Variants in CACNB2 observed in about 807,000 individuals in gnomAD.
CACNB2 encodes the protein calcium voltage-gated channel auxiliary subunit beta 2.
CACNB2 carries 42 observed loss-of-function variants against 73.3 expected under a neutral mutation model. The observed-to-expected ratio is 0.57, with a 90% CI of 0.45 to 0.74. The LOEUF is 0.74. Ranked by LOEUF, CACNB2 falls within the 30% of genes least tolerant of loss-of-function variation. CACNB2 has a pLI of 0.00. For missense variants in CACNB2, 940 were observed against 853.0 expected, an observed-to-expected ratio of 1.10 and a Z score of -1.27; for synonymous variants, 348 against 310.3, an observed-to-expected ratio of 1.12 and a Z score of -1.28.
chr10:18,401,233 G>T (rs1329175813), intron 2 of CACNB2: 6 of 1,073,508 alleles, frequency 5.6e-6, no homozygotes, highest in Non-Finnish European at 8.3e-6. Flanking sequence ...GGAAGCTAGG[G>T]AGATTCCTCT....
rs183001823 is a variant in CACNB2, at chr10:18,431,056, C to T, written c.333+29013C>T. On this transcript the variant is annotated intron_variant, in intron 3 of 13. Transcript: ENST00000324631. ...GCAGTGGCATGATCATATAGTAGCT[C>T]ACTGTAATCTCAGCCTCCTGGGTTC... Among the ~76,000 whole-genome samples the T allele has an allele frequency of 2.4e-3, 368 of 152,298 alleles. 3 individuals are homozygous for T. Among genetic ancestry groups the T allele is most frequent in the South Asian group, 0.014 (68 of 4,826 alleles).
chr10:18,440,998 C>G (rs2046383581), intron 3 of CACNB2, among the ~76,000 whole-genome samples: 1 of 152,208 alleles, frequency 6.6e-6, no homozygotes, highest in Non-Finnish European at 1.5e-5. Flanking sequence ...AAGAAAAACA[C>G]TGATTGCTTT....
intron 2 of CACNB2, among the ~76,000 whole-genome samples, chr10:18,153,916 C>G (rs762368959): frequency 2.0e-5 from 3 of 149,050 alleles, no homozygotes; most frequent in Non-Finnish European, 4.4e-5. Flanking sequence ...GAAAAAATAC[C>G]TTTACATGTT....
Position 18,534,167 on chromosome 10 carries a change from T to C in CACNB2, c.1146T>C (p.Ala382=). 1 of 1,613,840 alleles carries C rather than the reference T, an allele frequency of 6.2e-7. No homozygotes were observed. The highest frequency in any genetic ancestry group is 1.1e-5 in the South Asian group (1 of 91,074). ...ACGCGGATACAATTAATCATCCAGCTCAACTCAGTAAAACCTCCTTGGCCC... is the reference window on the plus strand; with the variant it reads ...ACGCGGATACAATTAATCATCCAGCCCAACTCAGTAAAACCTCCTTGGCCC... ...VLDADTINHP[A]QLSKTSLAPI... The change falls in exon 11 of 14, where the codon GCT becomes GCC. Residue 382 remains alanine (A), a synonymous_variant. Coordinates refer to ENST00000324631, the MANE Select transcript of CACNB2 (RefSeq NM_201596.3).
chr10:18,445,985 G>A (rs2046715267), intron 3 of CACNB2, among the ~76,000 whole-genome samples: 4 of 152,198 alleles, frequency 2.6e-5, no homozygotes, highest in Non-Finnish European at 5.9e-5. Flanking sequence ...AGTGAGCCAA[G>A]ATCACACCAT....
In CACNB2 at chr10:18,506,591, G is replaced by A. The variant is rs758806133; in HGVS notation, c.670+44G>A. On this transcript the variant is annotated intron_variant, in intron 6 of 13. Coordinates refer to ENST00000324631, the MANE Select transcript of CACNB2 (RefSeq NM_201596.3). ...CTGAATAATACATACTGCATTTCAT[G>A]CTTTCCCCAGCTCTATCCAGTTTTG... 8 of 1,158,438 alleles carry A rather than the reference G, an allele frequency of 6.9e-6. No homozygotes were observed. The East Asian group carries it at 1.9e-4, about 27-fold the overall frequency. The allele number at this position is 1,158,438 out of a possible 1,614,324, so 71.8% of individuals were successfully genotyped here.
At chr10:18,397,473 AAAG>A (rs1292438435) in intron 2 of CACNB2, among the ~76,000 whole-genome samples, 12 of 152,066 alleles carry the variant, frequency 7.9e-5, no homozygotes, top group Admixed American at 7.9e-4. Context: ...AAAAAAGAAA[AAAG>A]AAAAAAGAAA....
chr10:18,264,746 G>T (rs949060443), intron 2 of CACNB2, among the ~76,000 whole-genome samples: 10 of 152,192 alleles, frequency 6.6e-5, no homozygotes, highest in African/African-American at 2.4e-4. Context: ...GTGTGGCTCT[G>T]TGATGACTTA....
At chr10:18,529,458 C>G (rs998000265) in intron 10 of CACNB2, among the ~76,000 whole-genome samples, 2 of 152,156 alleles carry the variant, frequency 1.3e-5, no homozygotes, top group African/African-American at 4.8e-5. Context: ...AGTGGTCGAG[C>G]CATGAACTGG....
intron 2 of CACNB2, among the ~76,000 whole-genome samples, chr10:18,220,228 T>TAGAGAGAGAGAG (rs1399883516): frequency 3.2e-4 from 13 of 40,938 alleles, no homozygotes; most frequent in Non-Finnish European, 4.5e-4. Flanking sequence ...TATATATATA[T>TAGAGAGAGAGAG]ATATAGAGAG....
intron 2 of CACNB2, among the ~76,000 whole-genome samples, chr10:18,183,940 C>T (rs971751483): frequency 2.0e-5 from 3 of 152,134 alleles, no homozygotes; most frequent in African/African-American, 7.2e-5. Context: ...TGTTCTAGAG[C>T]TCCGTTGCTC....
At chr10:18,286,798 C>T (rs2038823566) in intron 2 of CACNB2, among the ~76,000 whole-genome samples, 1 of 152,068 alleles carries the variant, frequency 6.6e-6, no homozygotes, top group Non-Finnish European at 1.5e-5. Context: ...TTGCTGTTAT[C>T]ACTGTGGCTT....
At chr10:18,522,682 G>T (rs11014634) in intron 9 of CACNB2, among the ~76,000 whole-genome samples, 3 of 151,520 alleles carry the variant, frequency 2.0e-5, no homozygotes, top group African/African-American at 7.3e-5. Flanking sequence ...GTTCGAGACC[G>T]GCTTCGCCAA....
intron 2 of CACNB2, among the ~76,000 whole-genome samples, chr10:18,200,054 A>C (rs2034811998): frequency 6.6e-6 from 1 of 151,774 alleles, no homozygotes; most frequent in Non-Finnish European, 1.5e-5. Flanking sequence ...CAAATCAAAC[A>C]CTTCATTTAG....
intron 2 of CACNB2, chr10:18,340,914 G>T (rs775546005): frequency 1.9e-6 from 3 of 1,614,010 alleles, no homozygotes; most frequent in African/African-American, 2.7e-5. Flanking sequence ...GGCGCACTTG[G>T]AATTGGTCTA....
chr10:18,408,683 C>T (rs1203587505), intron 3 of CACNB2, among the ~76,000 whole-genome samples: 6 of 152,090 alleles, frequency 3.9e-5, no homozygotes, highest in Admixed American at 2.6e-4. Flanking sequence ...GGGAGGAAAT[C>T]CCAGTTTCAT....
intron 2 of CACNB2, among the ~76,000 whole-genome samples, chr10:18,253,154 G>A (rs971925182): frequency 7.2e-5 from 11 of 152,182 alleles, no homozygotes; most frequent in African/African-American, 2.7e-4. Context: ...ATCAGAGGAT[G>A]AGCTAGTGAC....
intron 3 of CACNB2, among the ~76,000 whole-genome samples, chr10:18,420,768 C>T (rs1193764074): frequency 2.6e-5 from 4 of 152,194 alleles, no homozygotes; most frequent in Non-Finnish European, 4.4e-5. Context: ...AGTTATTACT[C>T]TACTTATATG....
chr10:18,532,676 C>CAAAAAAAAAAAAAAAAAAA (rs1219587375), intron 10 of CACNB2, among the ~76,000 whole-genome samples: 15 of 92,556 alleles, frequency 1.6e-4, no homozygotes, highest in South Asian at 3.4e-4. Context: ...GACTCTGTCT[C>CAAAAAAAAAAAAAAAAAAA]AAAAAAAAAA....
Sources: gnomAD v4.1 joint callset for allele counts (sites outside exome capture counted in the v4.1 genomes callset) on GRCh38, gnomAD v4.1.1 for gene constraint, MANE v1.5 for transcripts, NCBI Gene and HGNC (gene_info 2026-07-23, HGNC 2026-07-21) for gene names.